The following ENOX1 variants were observed in gnomAD, a reference collection of about 807,000 sequenced individuals.
ENOX1 encodes ecto-NOX disulfide-thiol exchanger 1, also known as candidate growth-related and time keeping constitutive hydroquinone (NADH) oxidase.
ENOX1 carries 42 observed loss-of-function variants against 82.5 expected under a neutral mutation model. The ratio of observed to expected loss-of-function variants is 0.51; its 90% CI spans 0.40 to 0.66. The LOEUF (loss-of-function observed/expected upper bound fraction) is 0.66. Among genes scored for constraint, ENOX1 ranks in the 30% least tolerant of loss-of-function variants. The pLI, the probability that ENOX1 is intolerant of heterozygous loss-of-function variation, is 0.00. For synonymous variants in ENOX1, 271 were observed against 282.2 expected (o/e 0.96, Z 0.40); for missense variants, 608 against 811.6 (o/e 0.75, Z 3.05).
intron 1 of ENOX1, among the ~76,000 whole-genome samples, chr13:43,766,517 C>T (rs1256213515): frequency 6.6e-6 from 1 of 152,146 alleles, no homozygotes; most frequent in Non-Finnish European, 1.5e-5. Flanking sequence ...ATCGTCCCAG[C>T]CTCCGGGACA....
At chr13:43,365,149 C>G (rs535675155) in intron 5 of ENOX1, among the ~76,000 whole-genome samples, 1 of 152,220 alleles carries the variant, frequency 6.6e-6, no homozygotes, top group Non-Finnish European at 1.5e-5. Flanking sequence ...GCTAGCCATG[C>G]CTTGCTCCTT....
chr13:43,741,783 C>A (rs1027558012), intron 1 of ENOX1, among the ~76,000 whole-genome samples: 1 of 152,138 alleles, frequency 6.6e-6, no homozygotes, highest in Non-Finnish European at 1.5e-5. Context: ...GTTGCTCGTG[C>A]TTTTAGTGTC....
intron 2 of ENOX1, among the ~76,000 whole-genome samples, chr13:43,557,040 C>T (rs988125962): frequency 5.3e-5 from 8 of 152,300 alleles, no homozygotes; most frequent in African/African-American, 1.7e-4. Flanking sequence ...CAGTGCAGTG[C>T]GAAGCAGGAG....
chr13:43,684,872 A>G (rs1175528332), intron 1 of ENOX1, among the ~76,000 whole-genome samples: 1 of 152,174 alleles, frequency 6.6e-6, no homozygotes, highest in Non-Finnish European at 1.5e-5. Context: ...AGGAATGCAT[A>G]TGTTATACTC....
At chr13:43,460,462 C>A (rs2057417343) in intron 3 of ENOX1, among the ~76,000 whole-genome samples, 1 of 151,984 alleles carries the variant, frequency 6.6e-6, no homozygotes, top group South Asian at 2.1e-4. Flanking sequence ...CCTGGTTTGC[C>A]CAGTAATAAG....
chr13:43,727,739 T>G (rs938218302), intron 1 of ENOX1, among the ~76,000 whole-genome samples: 4 of 152,194 alleles, frequency 2.6e-5, no homozygotes, highest in African/African-American at 7.2e-5. Context: ...AATAAATGTA[T>G]AGAACCATTT....
intron 2 of ENOX1, among the ~76,000 whole-genome samples, chr13:43,549,877 G>C (rs2079117652): frequency 6.6e-6 from 1 of 152,148 alleles, no homozygotes; most frequent in Admixed American, 6.5e-5. Context: ...GGTCCCACTG[G>C]TTCAGGAGAC....
chr13:43,492,487 CA>C (rs2076654109), intron 2 of ENOX1, among the ~76,000 whole-genome samples: 1 of 152,104 alleles, frequency 6.6e-6, no homozygotes, highest in Non-Finnish European at 1.5e-5. Context: ...CCAACATAAG[CA>C]AAACTTAACT....
chr13:43,267,797 A>C (rs926209502), intron 13 of ENOX1, among the ~76,000 whole-genome samples: 9 of 152,212 alleles, frequency 5.9e-5, no homozygotes, highest in African/African-American at 1.9e-4. Context: ...AGCACCCAAA[A>C]ACATTTGGTG....
intron 2 of ENOX1, among the ~76,000 whole-genome samples, chr13:43,579,177 T>G (rs2080587128): frequency 6.6e-6 from 1 of 152,148 alleles, no homozygotes; most frequent in Non-Finnish European, 1.5e-5. Flanking sequence ...ACATTAAATG[T>G]AAATTCCATA....
chr13:43,650,905 G>A (rs2084135211), intron 2 of ENOX1, among the ~76,000 whole-genome samples: 1 of 152,174 alleles, frequency 6.6e-6, no homozygotes, highest in Admixed American at 6.5e-5. Context: ...CTTCACTCAT[G>A]GCTTTTGTTC....
intron 11 of ENOX1, among the ~76,000 whole-genome samples, chr13:43,307,710 A>T (rs6561116): frequency 0.95 from 145,154 of 152,316 alleles, 69,591 homozygotes; most frequent in East Asian, 1. Context: ...CTGCCTCTCC[A>T]GGAATGACAC....
intron 1 of ENOX1, among the ~76,000 whole-genome samples, chr13:43,721,375 T>TG (rs1385629307): frequency 1.2e-5 from 1 of 82,270 alleles, no homozygotes; most frequent in Admixed American, 1.8e-4. Flanking sequence ...ATATTTTATA[T>TG]CTTTTTTTTT....
At chr13:43,275,446 G>C (rs1231159198) in intron 12 of ENOX1, among the ~76,000 whole-genome samples, 2 of 152,130 alleles carry the variant, frequency 1.3e-5, no homozygotes, top group Non-Finnish European at 2.9e-5. Context: ...AGGAATCTTT[G>C]GCAGGATAGT....
In ENOX1 at chr13:43,247,854, TATATATATATATATATA is replaced by T. The variant is rs2043184749; in HGVS notation, c.1612-11133_1612-11117del. ...ATATATATATATATATATATATATA[TATATATATATATATATA>T]TATATATATATATTTTTTTTTTTTT... On this transcript the variant is annotated intron_variant, in intron 14 of 16. Transcript: ENST00000690772. Among the ~76,000 whole-genome samples the T allele has an allele frequency of 8.4e-3, 39 of 4,666 alleles. 1 individual carries two copies. Among genetic ancestry groups the T allele is most frequent in the South Asian group, 0.045 (1 of 22 alleles). 3.1% of individuals were successfully genotyped at this position (4,666 alleles called of 152,430 possible). A position where few individuals can be genotyped will look rare whatever the true frequency, so the allele number is the denominator to read the frequency against.
intron 3 of ENOX1, chr13:43,459,077 T>C (rs1293601879): frequency 2.0e-5 from 3 of 152,254 alleles, no homozygotes; most frequent in Admixed American, 1.3e-4. Context: ...TTTTGATTGA[T>C]TGATGCTCCC....
intron 12 of ENOX1, among the ~76,000 whole-genome samples, chr13:43,286,755 G>A (rs1225464359): frequency 6.6e-6 from 1 of 152,162 alleles, no homozygotes; most frequent in East Asian, 1.9e-4. Context: ...TGAATTCAGA[G>A]ATTTATTTTC....
chr13:43,572,595 T>G (rs1593884496), intron 2 of ENOX1, among the ~76,000 whole-genome samples: 2 of 152,244 alleles, frequency 1.3e-5, no homozygotes, highest in Admixed American at 1.3e-4. Context: ...TTTTGTCTTC[T>G]GTTAAACAGA....
intron 12 of ENOX1, among the ~76,000 whole-genome samples, chr13:43,270,560 C>G (rs1303325105): frequency 6.6e-6 from 1 of 152,154 alleles, no homozygotes; most frequent in Non-Finnish European, 1.5e-5. Context: ...CCATCAAAGC[C>G]TGGAGAAACA....
Sources: allele counts gnomAD v4.1 joint callset (sites outside exome capture counted in the v4.1 genomes callset), GRCh38; gene constraint gnomAD v4.1.1; transcripts MANE v1.5; gene names NCBI Gene and HGNC (gene_info 2026-07-23, HGNC 2026-07-21).